PDLIM4: variants seen among roughly 807,000 people sequenced by gnomAD.
PDLIM4 encodes PDZ and LIM domain protein 4.
A neutral mutation model predicts 31.3 loss-of-function variants in PDLIM4; 19 were observed. That is an observed-to-expected ratio of 0.61 (90% CI 0.42 to 0.89). PDLIM4 has a LOEUF of 0.89. Ranked by LOEUF, PDLIM4 falls within the 40% of genes least tolerant of loss-of-function variation. The pLI, the probability that PDLIM4 is intolerant of heterozygous loss-of-function variation, is 0.00. For missense variants in PDLIM4, 442 were observed against 461.1 expected (o/e 0.96, Z 0.38); for synonymous variants, 176 against 190.1 (o/e 0.93, Z 0.61).
intron 1 of PDLIM4, 140 bp from the exon 2 acceptor site, chr5:132,262,469 C>A: frequency 1.4e-6 from 1 of 697,406 alleles, no homozygotes; most frequent in Non-Finnish European, 2.2e-6. Context: ...CCTCAACCAG[C>A]CACTCGGCTT....
rs148655778 is a variant in PDLIM4, at chr5:132,271,161, C to T, written c.506+68C>T. On this transcript the variant is annotated intron_variant, in intron 4 of 6. Transcript: ENST00000253754. Reference sequence around the variant, plus strand: ...TAACCCTTGATCCCTCAAATCTCACCCAGTCCCACTCTGACCCCTGACACT... The same window carrying T: ...TAACCCTTGATCCCTCAAATCTCACTCAGTCCCACTCTGACCCCTGACACT... 3.4e-4 allele frequency: 526 copies of T among 1,533,420 alleles called. 7 individuals are homozygous for T. In the East Asian group the frequency reaches 0.012, roughly 34 times the overall value. The allele number at this position is 1,533,420 out of a possible 1,614,324, so 95.0% of individuals were successfully genotyped here.
At chr5:132,263,540 G>A (rs1306986282) in intron 2 of PDLIM4, among the ~76,000 whole-genome samples, 1 of 152,160 alleles carries the variant, frequency 6.6e-6, no homozygotes, top group African/African-American at 2.4e-5. Flanking sequence ...CCTTGCTCAG[G>A]TCCTGGGTCT....
Position 132,270,978 on chromosome 5 carries a change from C to A in PDLIM4, c.391C>A (p.Pro131Thr). ...GTGTGPEDGR[P>T]SLGSPYGQPP... ...CGGGACTGGGCCAGAAGATGGCAGA[C>A]CAAGCCTGGGATCTCCATATGGACA... The change falls in exon 4 of 7, where the codon CCA becomes ACA. Residue 131 changes from proline to threonine, a missense_variant. Physicochemically the swap from Pro to Thr is conservative, Grantham distance 38. Coordinates refer to ENST00000253754, the MANE Select transcript of PDLIM4 (RefSeq NM_003687.4). 1 of 1,614,124 alleles carries A rather than the reference C, an allele frequency of 6.2e-7. No individual in the cohort carries two copies. Among genetic ancestry groups the A allele is most frequent in the Non-Finnish European group, 8.5e-7 (1 of 1,179,980 alleles).
chr5:132,271,858 G>A lies in PDLIM4; in HGVS notation c.738G>A (p.Leu246=). The A allele has an allele frequency of 6.2e-7, 1 of 1,612,094 alleles. No individual in the cohort carries two copies. The highest frequency in any genetic ancestry group is 1.1e-5 in the South Asian group (1 of 90,998). The change falls in exon 6 of 7, where the codon CTG becomes CTA. Residue 246 remains leucine (L), a synonymous_variant. Coordinates refer to ENST00000253754, the MANE Select transcript of PDLIM4 (RefSeq NM_003687.4). ...CGGCCAGCAAGCTGGGCGCTCCGCT[G>A]AGCGGCCTGCAGGGGCTGCCCGAGT... The part of the protein sequence containing the change: ...KPTASKLGAP[L]SGLQGLPECT...
intron 3 of PDLIM4, among the ~76,000 whole-genome samples, chr5:132,266,976 C>T (rs879929090): frequency 2.0e-5 from 3 of 152,202 alleles, no homozygotes; most frequent in Non-Finnish European, 2.9e-5. Context: ...CCTATCCAAG[C>T]CTGAAGTTCT....
Position 132,262,718 on chromosome 5 carries a change from G to C in PDLIM4, c.203G>C (p.Arg68Pro). Residue 68 changes from arginine (R) to proline (P), a missense_variant, in exon 2 of 7, where the codon CGC becomes CCC. Transcript: ENST00000253754. ...ATGACACACCTGGAGGCACAGAACC[G>C]CATCAAGGGCTGCCACGATCACCTC... ...ELMTHLEAQNRIKGCHDHLTL... is the reference protein window; with the variant it reads ...ELMTHLEAQNPIKGCHDHLTL... The C allele has an allele frequency of 6.2e-7, 1 of 1,613,608 alleles. No individual in the cohort carries two copies. Among genetic ancestry groups the C allele is most frequent in the South Asian group, 1.1e-5 (1 of 90,954 alleles).
intron 1 of PDLIM4, 80 bp from the exon 2 acceptor site, chr5:132,262,529 G>A (rs745968943): frequency 5.9e-5 from 78 of 1,331,342 alleles, no homozygotes; most frequent in Non-Finnish European, 7.8e-5. Context: ...TAGGTTCTGA[G>A]GTTGGAGGAG....
intron 6 of PDLIM4, 25 bp from the exon 7 acceptor site, chr5:132,272,000 T>C: frequency 6.2e-7 from 1 of 1,611,242 alleles, no homozygotes; most frequent in East Asian, 2.2e-5. Flanking sequence ...CACTCGACGC[T>C]GTCCTGTCTC....
intron 3 of PDLIM4, 190 bp downstream of exon 3, chr5:132,266,735 G>A (rs1358350037): frequency 6.2e-6 from 3 of 480,420 alleles, no homozygotes; most frequent in South Asian, 3.6e-5. Context: ...TGAGCACCTG[G>A]TGTGGGCTCT....
At position 132,271,306 on chromosome 5, in the gene PDLIM4, T is replaced by G. The variant is rs753258891; in HGVS notation, c.510T>G (p.Ala170=). ...TCTATTTCTTTCTCCCTCCCAGCGC[T>G]GACCCAGCCAGAGGCCTCCCGCGGA... ...STLHVSPPPS[A]DPARGLPRSR... Residue 170 remains alanine, a synonymous_variant, in exon 5 of 7, where the codon GCT becomes GCG. Coordinates refer to ENST00000253754, the MANE Select transcript of PDLIM4 (RefSeq NM_003687.4). The G allele has an allele frequency of 3.8e-6, 6 of 1,593,308 alleles. No individual in the cohort carries two copies. In the African/African-American group the frequency reaches 8.0e-5, roughly 21 times the overall value.
At chr5:132,263,374 G>A (rs1580798859) in intron 2 of PDLIM4, among the ~76,000 whole-genome samples, 1 of 152,132 alleles carries the variant, frequency 6.6e-6, no homozygotes. Flanking sequence ...CCTCTGCCCT[G>A]GTTAAATCTG....
intron 3 of PDLIM4, among the ~76,000 whole-genome samples, chr5:132,270,136 A>G (rs1460019909): frequency 6.6e-6 from 1 of 152,204 alleles, no homozygotes; most frequent in East Asian, 1.9e-4. Flanking sequence ...CCCCACACAC[A>G]GAGATACTGC....
chr5:132,264,555 G>C (rs1414135597), intron 2 of PDLIM4, among the ~76,000 whole-genome samples: 2 of 152,062 alleles, frequency 1.3e-5, no homozygotes, highest in African/African-American at 4.8e-5. Context: ...GGCCTGCTCA[G>C]TCAGAGTGAA....
At chr5:132,260,372 G>A (rs924249129) in intron 1 of PDLIM4, among the ~76,000 whole-genome samples, 2 of 152,086 alleles carry the variant, frequency 1.3e-5, no homozygotes, top group Non-Finnish European at 2.9e-5. Context: ...GTGACTTCCC[G>A]CTTAGAGCCC....
chr5:132,272,726 G>A lies in PDLIM4; in HGVS notation c.*497G>A. 5.0e-6 allele frequency: 1 copy of A among 200,804 alleles called. No individual in the cohort carries two copies. The highest frequency in any genetic ancestry group is 5.3e-5 in the Admixed American group (1 of 18,984). 12.4% of individuals were successfully genotyped at this position (200,804 alleles called of 1,614,324 possible). The stretch of plus-strand genomic sequence containing the variant: ...GCACTAGCGGGTTGGGGGTGGTGGT[G>A]GGGTGCTGGCAGCCTCAGGAGCGAT... On this transcript the variant is annotated 3_prime_UTR_variant, in exon 7 of 7. Transcript: ENST00000253754.
chr5:132,271,868 C>A lies in PDLIM4; in HGVS notation c.748C>A (p.Gln250Lys). Residue 250 changes from glutamine to lysine, a missense_variant, in exon 6 of 7, where the codon CAG becomes AAG. Coordinates refer to ENST00000253754, the MANE Select transcript of PDLIM4 (RefSeq NM_003687.4). ...GCTGGGCGCTCCGCTGAGCGGCCTG[C>A]AGGGGCTGCCCGAGTGCACGCGCTG... ...SKLGAPLSGL[Q>K]GLPECTRCGH... 2 of 1,610,958 alleles carry A rather than the reference C, an allele frequency of 1.2e-6. No homozygotes were observed. Among genetic ancestry groups the A allele is most frequent in the Non-Finnish European group, 1.7e-6 (2 of 1,178,490 alleles).
At chr5:132,258,077 G>A (rs2126668200) in intron 1 of PDLIM4, among the ~76,000 whole-genome samples, 1 of 152,326 alleles carries the variant, frequency 6.6e-6, no homozygotes, top group East Asian at 1.9e-4. Context: ...CCTCCCCGCT[G>A]GCCTCATCTG....
At position 132,257,737 on chromosome 5, in the gene PDLIM4, G is replaced by GC; in HGVS notation, c.7dup (p.His3ProfsTer53). The stretch of plus-strand genomic sequence containing the variant: ...TCCGGCTGCGGCTCCAGCCCGCGAT[G>GC]CCCCATTCCGTGACCCTGCGCGGGC... On this transcript the variant is annotated frameshift_variant, in exon 1 of 7. Transcript: ENST00000253754. LOFTEE classifies it high-confidence loss of function. This position sits in a 1 kb window ranked among gnomAD's most constrained non-coding sequence, Gnocchi z 4.3. The GC allele has an allele frequency of 1.4e-6, 2 of 1,481,048 alleles. No homozygotes were observed. The highest frequency in any genetic ancestry group is 1.8e-6 in the Non-Finnish European group (2 of 1,119,990). 91.7% of individuals were successfully genotyped at this position (1,481,048 alleles called of 1,614,324 possible).
chr5:132,271,157 T>C, intron 4 of PDLIM4, 64 bp downstream of exon 4: 2 of 1,545,610 alleles, frequency 1.3e-6, no homozygotes, highest in Non-Finnish European at 1.8e-6. Context: ...CCCTCAAATC[T>C]CACCCAGTCC....
Sources: allele counts gnomAD v4.1 joint callset (sites outside exome capture counted in the v4.1 genomes callset), GRCh38; gene constraint gnomAD v4.1.1; non-coding constraint Gnocchi (gnomAD v3.1); transcripts MANE v1.5; gene names NCBI Gene and HGNC (gene_info 2026-07-23, HGNC 2026-07-21).